The following CPNE5 variants were observed in gnomAD, a reference collection of about 807,000 sequenced individuals.
The protein encoded by CPNE5 is copine-5.
A neutral mutation model predicts 81.1 loss-of-function variants in CPNE5; 42 were observed. The ratio of observed to expected loss-of-function variants is 0.52; its 90% CI spans 0.40 to 0.67. CPNE5 has a LOEUF of 0.67. Ranked by LOEUF, CPNE5 falls within the 30% of genes least tolerant of loss-of-function variation. The probability of loss-of-function intolerance (pLI) is 0.00; values close to 1 mark genes in which losing one functional copy is unlikely to be tolerated. For synonymous variants in CPNE5, 313 were observed against 321.5 expected (o/e 0.97, Z 0.28); for missense variants, 612 against 815.5 (o/e 0.75, Z 3.04).
At chr6:36,801,209 A>G (rs1426918678) in intron 3 of CPNE5, among the ~76,000 whole-genome samples, 1 of 152,234 alleles carries the variant, frequency 6.6e-6, no homozygotes, top group Non-Finnish European at 1.5e-5. Flanking sequence ...CAATTTTGCA[A>G]ATGACTTTAG....
At chr6:36,829,233 T>G (rs1056023104) in intron 1 of CPNE5, among the ~76,000 whole-genome samples, 10 of 152,094 alleles carry the variant, frequency 6.6e-5, no homozygotes, top group Non-Finnish European at 1.3e-4. Context: ...TGGTGGCTCA[T>G]GCCTATAATC....
intron 10 of CPNE5, among the ~76,000 whole-genome samples, chr6:36,767,327 C>G (rs1766647981): frequency 6.6e-6 from 1 of 152,190 alleles, no homozygotes; most frequent in Non-Finnish European, 1.5e-5. Flanking sequence ...GTTTTCAAGG[C>G]TTCCCTAGTG....
rs1243417910 is a variant in CPNE5, at chr6:36,794,712, A to T, written c.405-63T>A. The T allele has an allele frequency of 2.0e-6, 3 of 1,470,108 alleles. No individual in the cohort carries two copies. The Admixed American group carries it at 5.3e-5, about 26-fold the overall frequency. 91.1% of individuals were successfully genotyped at this position (1,470,108 alleles called of 1,614,324 possible). A position where few individuals can be genotyped will look rare whatever the true frequency, so the allele number is the denominator to read the frequency against. Reference sequence around the variant, plus strand: ...CTGAGTACCCCCACCCAGACAGGCCAGCGCACTTGGCATCCAGATGCTTGG... The same window carrying T: ...CTGAGTACCCCCACCCAGACAGGCCTGCGCACTTGGCATCCAGATGCTTGG... On this transcript the variant is annotated intron_variant, in intron 6 of 20. Transcript: ENST00000244751.
intron 7 of CPNE5, 91 bp from the exon 8 acceptor site, chr6:36,792,187 C>T (rs954483126): frequency 5.3e-6 from 7 of 1,310,470 alleles, no homozygotes; most frequent in Non-Finnish European, 7.6e-6. Context: ...GCCCATCCTC[C>T]CCCGCCCCCT....
At chr6:36,788,232 G>C (rs367553698) in intron 8 of CPNE5, among the ~76,000 whole-genome samples, 6 of 151,906 alleles carry the variant, frequency 3.9e-5, no homozygotes, top group Middle Eastern at 3.4e-3. Context: ...TGGTCGGGGG[G>C]GGGTCTCACT....
intron 18 of CPNE5, 29 bp from the exon 19 acceptor site, chr6:36,744,354 G>T (rs571363751): frequency 3.2e-6 from 5 of 1,559,538 alleles, no homozygotes; most frequent in African/African-American, 2.7e-5. Flanking sequence ...GGCAGGGAAA[G>T]GTTGGACCCA....
chr6:36,756,343 T>G, intron 12 of CPNE5, 45 bp from the exon 13 acceptor site: 1 of 1,564,468 alleles, frequency 6.4e-7, no homozygotes, highest in Non-Finnish European at 8.8e-7. Context: ...TTCCAGGCAG[T>G]CAGGGTGAGT....
At chr6:36,822,931 G>C (rs1206451898) in intron 2 of CPNE5, 127 bp downstream of exon 2, 4 of 728,536 alleles carry the variant, frequency 5.5e-6, no homozygotes, top group Non-Finnish European at 8.5e-6. Flanking sequence ...ACATTAAACA[G>C]GCTTGACACA....
intron 3 of CPNE5, among the ~76,000 whole-genome samples, chr6:36,808,901 G>T (rs236395): frequency 6.6e-6 from 1 of 152,090 alleles, no homozygotes; most frequent in South Asian, 2.1e-4. Context: ...GCTAGCAGGC[G>T]ATAGGAACGG....
chr6:36,828,940 C>T (rs887956284), intron 1 of CPNE5, among the ~76,000 whole-genome samples: 17 of 152,176 alleles, frequency 1.1e-4, no homozygotes, highest in African/African-American at 4.1e-4. Context: ...GGGCTAATAA[C>T]AGTCCCCCCC....
chr6:36,791,842 G>A (rs980232211), intron 8 of CPNE5, among the ~76,000 whole-genome samples, 191 bp downstream of exon 8: 2 of 152,072 alleles, frequency 1.3e-5, no homozygotes, highest in African/African-American at 2.4e-5. Context: ...TCTCCTCTCC[G>A]GGCCTCAGTC....
chr6:36,775,909 A>G (rs575460243), intron 9 of CPNE5, among the ~76,000 whole-genome samples: 26 of 152,138 alleles, frequency 1.7e-4, no homozygotes, highest in Admixed American at 2.6e-4. Context: ...AAATGAATCA[A>G]TGTATTTCTT....
intron 16 of CPNE5, among the ~76,000 whole-genome samples, chr6:36,745,985 A>G (rs1019573437): frequency 8.5e-5 from 13 of 152,124 alleles, no homozygotes; most frequent in African/African-American, 2.9e-4. Context: ...TCATCTCCAC[A>G]GGGCCCGGGA....
chr6:36,839,381 C>T lies in CPNE5; in HGVS notation c.-4G>A, dbSNP rs371123592. The T allele has an allele frequency of 1.9e-5, 29 of 1,542,248 alleles. No homozygotes were observed. The highest frequency in any genetic ancestry group is 2.5e-5 in the Non-Finnish European group (29 of 1,141,438). On this transcript the variant is annotated 5_prime_UTR_variant, in exon 1 of 21. Transcript: ENST00000244751. The surrounding 1 kb of genome is among the most constrained non-coding windows in gnomAD (Gnocchi z 7.3). ...CCATGTCCTCAGGCTGCTCCATCGCCCACCGCACCCCCCACCCCAAATTAG... is the reference window on the plus strand; with the variant it reads ...CCATGTCCTCAGGCTGCTCCATCGCTCACCGCACCCCCCACCCCAAATTAG...
intron 3 of CPNE5, among the ~76,000 whole-genome samples, chr6:36,809,239 A>C (rs959192643): frequency 1.3e-5 from 2 of 151,198 alleles, no homozygotes; most frequent in African/African-American, 4.8e-5. Context: ...GGAGAGACAG[A>C]GAGAGAGAGA....
At chr6:36,797,772 C>A (rs1769724804) in intron 6 of CPNE5, among the ~76,000 whole-genome samples, 1 of 152,192 alleles carries the variant, frequency 6.6e-6, no homozygotes, top group African/African-American at 2.4e-5. Context: ...TAGGAATATG[C>A]TATGTGAGTA....
intron 6 of CPNE5, among the ~76,000 whole-genome samples, chr6:36,796,662 T>G (rs1769606573): frequency 6.6e-6 from 1 of 152,220 alleles, no homozygotes; most frequent in African/African-American, 2.4e-5. Flanking sequence ...CTAGCAAATA[T>G]GAATGTGAAT....
At chr6:36,826,738 G>C in intron 1 of CPNE5, among the ~76,000 whole-genome samples, 1 of 152,322 alleles carries the variant, frequency 6.6e-6, no homozygotes, top group Non-Finnish European at 1.5e-5. Context: ...AGCGAAGCCC[G>C]TATCTCCCCA....
intron 3 of CPNE5, among the ~76,000 whole-genome samples, chr6:36,812,487 C>T (rs1330383888): frequency 6.6e-6 from 1 of 152,156 alleles, no homozygotes; most frequent in Non-Finnish European, 1.5e-5. Flanking sequence ...TGGTCCCTAC[C>T]ACAGTCCACT....
Sources: allele counts gnomAD v4.1 joint callset (sites outside exome capture counted in the v4.1 genomes callset), GRCh38; gene constraint gnomAD v4.1.1; non-coding constraint Gnocchi (gnomAD v3.1); transcripts MANE v1.5; gene names NCBI Gene and HGNC (gene_info 2026-07-23, HGNC 2026-07-21).